VANGL1: variants seen among roughly 807,000 people sequenced by gnomAD.
VANGL1 encodes VANGL planar cell polarity protein 1.
VANGL1 carries 18 observed loss-of-function variants against 48.4 expected under a neutral mutation model. The ratio of observed to expected loss-of-function variants is 0.37; its 90% CI spans 0.26 to 0.55. VANGL1 has a LOEUF of 0.55. VANGL1 is among the 20% of genes least tolerant of loss of function. The pLI is 0.81. For synonymous variants in VANGL1, 257 were observed against 261.8 expected (o/e 0.98, Z 0.18); for missense variants, 667 against 675.8 (o/e 0.99, Z 0.14).
At chr1:115,660,561 C>T (rs1652509863) in intron 3 of VANGL1, among the ~76,000 whole-genome samples, 1 of 152,166 alleles carries the variant, frequency 6.6e-6, no homozygotes, top group East Asian at 1.9e-4. Context: ...TGGCAGCCCA[C>T]CTGATTTAAA....
rs564910184 is a variant in VANGL1 at position 115,648,201 on chromosome 1, A to T, written c.-137-3076A>T. On this transcript the variant is annotated intron_variant, in intron 1 of 7. Transcript: ENST00000355485. ...CTAGCATTGCCTAGCATGGTCTTGT[A>T]GGTGCCACTTAATATGGAGGTGGAT... Among the ~76,000 whole-genome samples the T allele has an allele frequency of 9.9e-4, 151 of 152,330 alleles. 1 individual carries two copies. The highest frequency in any genetic ancestry group is 1.9e-3 in the South Asian group (9 of 4,822).
At chr1:115,662,703 C>T (rs1225345457) in intron 3 of VANGL1, among the ~76,000 whole-genome samples, 1 of 152,016 alleles carries the variant, frequency 6.6e-6, no homozygotes, top group African/African-American at 2.4e-5. Context: ...CCTGGATTTG[C>T]TTAGCTTGGT....
intron 4 of VANGL1, among the ~76,000 whole-genome samples, chr1:115,666,633 C>T (rs911591141): frequency 6.6e-6 from 1 of 152,208 alleles, no homozygotes; most frequent in Non-Finnish European, 1.5e-5. Context: ...GTGGCAAGTG[C>T]CCATCTGCCC....
chr1:115,679,094 A>T (rs576521909), intron 4 of VANGL1, among the ~76,000 whole-genome samples: 1 of 152,312 alleles, frequency 6.6e-6, no homozygotes, highest in Non-Finnish European at 1.5e-5. Context: ...TATGCTGGGC[A>T]TCAAACAGAC....
At chr1:115,680,903 A>G (rs995630952) in intron 4 of VANGL1, among the ~76,000 whole-genome samples, 1 of 152,208 alleles carries the variant, frequency 6.6e-6, no homozygotes, top group African/African-American at 2.4e-5. Context: ...TTGTAAGCCG[A>G]TCTGCTTAGC....
intron 3 of VANGL1, 63 bp from the exon 4 acceptor site, chr1:115,663,598 T>G: frequency 8.7e-6 from 14 of 1,611,848 alleles, no homozygotes; most frequent in Non-Finnish European, 1.2e-5. Context: ...GCATGTTCAC[T>G]GCCCTTTGTA....
Position 115,659,676 on chromosome 1 carries a change from A to G in VANGL1, c.107A>G (p.Asn36Ser). Reference sequence around the variant, plus strand: ...AGAGAGAGACACAAGTCACCCCGGAATAAAGACGGCAGAGGGTCAGAAAAG... The same window carrying G: ...AGAGAGAGACACAAGTCACCCCGGAGTAAAGACGGCAGAGGGTCAGAAAAG... ...RTRERHKSPRNKDGRGSEKSV... is the reference protein window; with the variant it reads ...RTRERHKSPRSKDGRGSEKSV... Residue 36 changes from asparagine to serine, a missense_variant, in exon 3 of 8, where the codon AAT (asparagine) becomes AGT (serine). Asn to Ser is a conservative substitution (Grantham distance 46). Transcript: ENST00000355485. The G allele has an allele frequency of 1.2e-6, 2 of 1,614,194 alleles. No homozygotes were observed. The highest frequency in any genetic ancestry group is 1.7e-6 in the Non-Finnish European group (2 of 1,180,032).
chr1:115,648,723 T>G (rs910165139), intron 1 of VANGL1, among the ~76,000 whole-genome samples: 2 of 152,190 alleles, frequency 1.3e-5, no homozygotes, highest in Non-Finnish European at 2.9e-5. Flanking sequence ...AGGCAAACAT[T>G]TGCCCCCTGA....
intron 4 of VANGL1, chr1:115,670,904 C>T (rs913812785): frequency 1.4e-4 from 21 of 152,286 alleles, no homozygotes; most frequent in African/African-American, 5.1e-4. Context: ...GGGTTTTGCT[C>T]AGGCCATGCT....
chr1:115,648,528 G>T (rs564939762), intron 1 of VANGL1, among the ~76,000 whole-genome samples: 1 of 152,284 alleles, frequency 6.6e-6, no homozygotes, highest in South Asian at 2.1e-4. Flanking sequence ...CTTAATGAAT[G>T]GCCACAAGTT....
chr1:115,661,630 T>G (rs1652552907), intron 3 of VANGL1, among the ~76,000 whole-genome samples: 3 of 152,104 alleles, frequency 2.0e-5, no homozygotes, highest in Admixed American at 1.3e-4. Context: ...TGTTTGTTTG[T>G]TTTTTGAGGC....
chr1:115,664,532 C>CA (rs1652701603), intron 4 of VANGL1, among the ~76,000 whole-genome samples: 1 of 152,142 alleles, frequency 6.6e-6, no homozygotes, highest in Non-Finnish European at 1.5e-5. Context: ...TGGCAGCTCC[C>CA]AAAAATGATG....
intron 4 of VANGL1, 146 bp downstream of exon 4, chr1:115,664,414 G>A (rs1036909933): frequency 4.0e-5 from 51 of 1,267,608 alleles, no homozygotes; most frequent in Non-Finnish European, 1.2e-5. Context: ...AGATGCGAGG[G>A]TGGGGAGGGT....
intron 4 of VANGL1, among the ~76,000 whole-genome samples, chr1:115,672,225 C>T (rs12137412): frequency 0.33 from 50,049 of 152,060 alleles, 8,655 homozygotes; most frequent in Admixed American, 0.4. Context: ...ATTCCACTTC[C>T]TTGGCGCTCT....
chr1:115,674,961 C>T (rs2101018709), intron 4 of VANGL1, among the ~76,000 whole-genome samples: 1 of 150,992 alleles, frequency 6.6e-6, no homozygotes, highest in Non-Finnish European at 1.5e-5. Flanking sequence ...TGTGTGTGTG[C>T]ATGTATGCAC....
rs1654079956 is a variant in VANGL1, at chr1:115,697,650, G to GCCTTATTT, written c.*6271_*6272insCCTTATTT. 1.3e-5 allele frequency: 2 copies of GCCTTATTT among 152,210 alleles called. No individual in the cohort carries two copies. The highest frequency in any genetic ancestry group is 2.9e-5 in the Non-Finnish European group (2 of 68,030). 9.4% of individuals were successfully genotyped at this position (152,210 alleles called of 1,614,324 possible). A position where few individuals can be genotyped will look rare whatever the true frequency, so the allele number is the denominator to read the frequency against. The stretch of plus-strand genomic sequence containing the variant: ...TGGGCCAGGCAGGTCTTATTTGAGA[G>GCCTTATTT]GAGATTATTTGATAATTGCTTTGGT... On this transcript the variant is annotated 3_prime_UTR_variant, in exon 8 of 8. Coordinates refer to ENST00000355485, the MANE Select transcript of VANGL1 (RefSeq NM_138959.3).
At chr1:115,647,963 C>T (rs2997743) in intron 1 of VANGL1, among the ~76,000 whole-genome samples, 29,400 of 152,058 alleles carry the variant, frequency 0.19, 4,016 homozygotes, top group African/African-American at 0.39. Context: ...GGAGGTAAGA[C>T]GTAGTTGCTG....
intron 4 of VANGL1, among the ~76,000 whole-genome samples, chr1:115,673,519 C>A (rs915813504): frequency 1.3e-5 from 2 of 151,686 alleles, no homozygotes; most frequent in Non-Finnish European, 2.9e-5. Flanking sequence ...CCTTCGTGTT[C>A]CTTTATGGCT....
At chr1:115,661,030 T>A (rs1191206657) in intron 3 of VANGL1, among the ~76,000 whole-genome samples, 1 of 152,102 alleles carries the variant, frequency 6.6e-6, no homozygotes, top group African/African-American at 2.4e-5. Flanking sequence ...TTTCTCTGCA[T>A]CTCCTCTGCA....
Sources: gnomAD v4.1 joint callset for allele counts (sites outside exome capture counted in the v4.1 genomes callset) on GRCh38, gnomAD v4.1.1 for gene constraint, MANE v1.5 for transcripts, NCBI Gene and HGNC (gene_info 2026-07-23, HGNC 2026-07-21) for gene names.